Variants in NXPE2 observed in about 807,000 individuals in gnomAD.
The protein encoded by NXPE2 is NXPE family member 2.
NXPE2 carries 34 observed loss-of-function variants against 34.4 expected under a neutral mutation model. The ratio of observed to expected loss-of-function variants is 0.99; its 90% CI spans 0.75 to 1.31. NXPE2 has a LOEUF of 1.31. Among genes scored for constraint, NXPE2 ranks in the 40% most tolerant of loss-of-function variants. The pLI is 0.00. For missense variants in NXPE2, 649 were observed against 672.5 expected, an observed-to-expected ratio of 0.97 and a Z score of 0.39; for synonymous variants, 235 against 231.3, an observed-to-expected ratio of 1.02 and a Z score of -0.15.
At chr11:114,732,102 AC>A in the NXPE2 span, among the ~76,000 whole-genome samples, 1 of 152,156 alleles carries the variant, frequency 6.6e-6, no homozygotes, top group Non-Finnish European at 1.5e-5. Context: ...TTTAGAATAA[AC>A]TTTAGGTGCA....
chr11:114,712,110 G>A, the NXPE2 span, among the ~76,000 whole-genome samples: 4 of 152,034 alleles, frequency 2.6e-5, no homozygotes, highest in Non-Finnish European at 5.9e-5. Context: ...AACTCAAAAT[G>A]GATTAAAGAC....
At chr11:114,522,220 CAGTCTTTCAAT>C in the NXPE2 span, 1 of 1,613,896 alleles carries the variant, frequency 6.2e-7, no homozygotes, top group Non-Finnish European at 8.5e-7. Context: ...TTCTTAGGAA[CAGTCTTTCAAT>C]AGCCTTTTGA....
At chr11:114,799,779 A>G in the NXPE2 span, among the ~76,000 whole-genome samples, 1 of 152,216 alleles carries the variant, frequency 6.6e-6, no homozygotes, top group African/African-American at 2.4e-5. Context: ...ATACACATTG[A>G]GAGGACAAAG....
the NXPE2 span, among the ~76,000 whole-genome samples, chr11:114,761,708 G>A: frequency 6.6e-6 from 1 of 151,378 alleles, no homozygotes; most frequent in African/African-American, 2.4e-5. Context: ...CGAGTAGCTG[G>A]GACTACAGGC....
At chr11:114,764,997 C>T in the NXPE2 span, among the ~76,000 whole-genome samples, 1 of 152,150 alleles carries the variant, frequency 6.6e-6, no homozygotes, top group African/African-American at 2.4e-5. Context: ...TGGACCCCTG[C>T]TCCTTCTGGG....
chr11:114,808,036 AACTC>A, the NXPE2 span, among the ~76,000 whole-genome samples: 1 of 152,358 alleles, frequency 6.6e-6, no homozygotes, highest in South Asian at 2.1e-4. Context: ...AGGATTAAGA[AACTC>A]ACTCAAAACT....
the NXPE2 span, among the ~76,000 whole-genome samples, chr11:114,600,221 C>T: frequency 6.6e-6 from 1 of 152,142 alleles, no homozygotes; most frequent in African/African-American, 2.4e-5. Context: ...TGAACATCTG[C>T]TTACCCAAGT....
At chr11:114,714,894 C>A in the NXPE2 span, among the ~76,000 whole-genome samples, 1 of 152,040 alleles carries the variant, frequency 6.6e-6, no homozygotes, top group Non-Finnish European at 1.5e-5. Flanking sequence ...TGGTGGCACA[C>A]GCCTGTAATC....
the NXPE2 span, among the ~76,000 whole-genome samples, chr11:114,791,254 C>T: frequency 6.6e-6 from 1 of 151,756 alleles, no homozygotes; most frequent in Non-Finnish European, 1.5e-5. Flanking sequence ...TGTGTTCTTA[C>T]AGACTCTTTA....
chr11:114,551,851 G>GA, the NXPE2 span: 1 of 152,264 alleles, frequency 6.6e-6, no homozygotes, highest in South Asian at 2.1e-4. Context: ...GAGAGAGAGA[G>GA]AAAGAAGCTC....
chr11:114,749,412 C>A, the NXPE2 span, among the ~76,000 whole-genome samples: 2 of 152,118 alleles, frequency 1.3e-5, no homozygotes, highest in Non-Finnish European at 2.9e-5. Context: ...ATGTTCAAAT[C>A]CCTTATATAA....
At chr11:114,791,891 T>A in the NXPE2 span, among the ~76,000 whole-genome samples, 2 of 152,012 alleles carry the variant, frequency 1.3e-5, no homozygotes, top group Non-Finnish European at 2.9e-5. Context: ...CTGTCTCTAC[T>A]AAACAAAATA....
chr11:114,515,569 T>C, the NXPE2 span, among the ~76,000 whole-genome samples: 1 of 151,946 alleles, frequency 6.6e-6, no homozygotes, highest in Non-Finnish European at 1.5e-5. Flanking sequence ...GAAAAGGAAA[T>C]TGGAACCAGA....
chr11:114,536,140 C>G, the NXPE2 span, among the ~76,000 whole-genome samples: 13 of 151,352 alleles, frequency 8.6e-5, no homozygotes, highest in African/African-American at 1.9e-4. Flanking sequence ...ACTCAAAACC[C>G]CTCAACTACA....
the NXPE2 span, among the ~76,000 whole-genome samples, chr11:114,475,569 C>T: frequency 2.3e-4 from 35 of 152,196 alleles, 1 homozygote; most frequent in South Asian, 6.6e-3. Flanking sequence ...ATCAGTTCCT[C>T]TAGGGCATCT....
chr11:114,632,165 A>G, the NXPE2 span, among the ~76,000 whole-genome samples: 2 of 142,138 alleles, frequency 1.4e-5, no homozygotes, highest in Non-Finnish European at 1.5e-5. Flanking sequence ...AATAAAATTT[A>G]TCATATAATA....
At chr11:114,590,814 T>C in the NXPE2 span, among the ~76,000 whole-genome samples, 1 of 152,110 alleles carries the variant, frequency 6.6e-6, no homozygotes, top group Non-Finnish European at 1.5e-5. Context: ...CCCTGGGAAA[T>C]GGTTTAACTG....
At chr11:114,535,281 G>A in the NXPE2 span, among the ~76,000 whole-genome samples, 1 of 152,090 alleles carries the variant, frequency 6.6e-6, no homozygotes, top group African/African-American at 2.4e-5. Flanking sequence ...CCTGAAGGAA[G>A]CACTAAACAT....
the NXPE2 span, among the ~76,000 whole-genome samples, chr11:114,618,213 C>T: frequency 2.6e-5 from 4 of 152,084 alleles, no homozygotes; most frequent in South Asian, 8.3e-4. Flanking sequence ...TTGGTCACCA[C>T]TGTTACCCGG....
Sources: gnomAD v4.1 joint callset for allele counts (sites outside exome capture counted in the v4.1 genomes callset) on GRCh38, gnomAD v4.1.1 for gene constraint, MANE v1.5 for transcripts, NCBI Gene and HGNC (gene_info 2026-07-23, HGNC 2026-07-21) for gene names.